Variants in ZBTB20 observed in about 807,000 individuals in gnomAD.
ZBTB20 encodes zinc finger and BTB domain containing 20.
ZBTB20 carries 9 observed loss-of-function variants against 56.9 expected under a neutral mutation model. The ratio of observed to expected loss-of-function variants is 0.16; its 90% CI spans 0.10 to 0.28. The LOEUF (loss-of-function observed/expected upper bound fraction) is 0.28, where lower values mean the gene tolerates loss of function less well. Among genes scored for constraint, ZBTB20 ranks in the 10% least tolerant of loss-of-function variants. The pLI is 1.00. For missense variants in ZBTB20, 655 were observed against 1,003.0 expected (o/e 0.65, Z 4.69); for synonymous variants, 417 against 420.7 (o/e 0.99, Z 0.11).
At chr3:114,558,350 C>A (rs1173771889) in intron 6 of ZBTB20, among the ~76,000 whole-genome samples, 3 of 151,966 alleles carry the variant, frequency 2.0e-5, no homozygotes, top group Admixed American at 6.6e-5. Context: ...CAACAATCCT[C>A]CCTCCCCGCT....
chr3:115,064,538 G>A lies in ZBTB20; in HGVS notation c.-507+6681C>T, dbSNP rs182601562. Among the ~76,000 whole-genome samples the A allele has an allele frequency of 9.9e-5, 13 of 130,916 alleles. No individual in the cohort carries two copies. The Admixed American group carries it at 1.0e-3, about 10-fold the overall frequency. 85.9% of individuals were successfully genotyped at this position (130,916 alleles called of 152,430 possible). On this transcript the variant is annotated intron_variant, in intron 2 of 11. Coordinates refer to ENST00000675478, the MANE Select transcript of ZBTB20 (RefSeq NM_001348800.3). Reference sequence around the variant, plus strand: ...AAAATCTTGGCTCACTGCAACCTCCGCCTCCCGGGTTCAAGTGATTCTCCT... The same window carrying A: ...AAAATCTTGGCTCACTGCAACCTCCACCTCCCGGGTTCAAGTGATTCTCCT...
intron 11 of ZBTB20, among the ~76,000 whole-genome samples, chr3:114,347,822 C>T (rs1159740544): frequency 6.6e-6 from 1 of 152,174 alleles, no homozygotes; most frequent in East Asian, 1.9e-4. Context: ...TTATTATTTT[C>T]AGATGGGGCT....
chr3:114,783,942 G>A (rs913626466), intron 5 of ZBTB20, among the ~76,000 whole-genome samples: 1 of 152,138 alleles, frequency 6.6e-6, no homozygotes, highest in Non-Finnish European at 1.5e-5. Flanking sequence ...AACCACATAG[G>A]AGTCACAGTG....
At chr3:114,360,967 ATAAG>A in intron 10 of ZBTB20, among the ~76,000 whole-genome samples, 1 of 152,324 alleles carries the variant, frequency 6.6e-6, no homozygotes. Flanking sequence ...GTTCTGGTAA[ATAAG>A]TAAAGTAGAA....
chr3:115,099,436 C>T (rs1297930116), intron 1 of ZBTB20, among the ~76,000 whole-genome samples: 1 of 152,146 alleles, frequency 6.6e-6, no homozygotes, highest in Admixed American at 6.5e-5. Flanking sequence ...AGTGATATTC[C>T]TATAAATGTA....
chr3:114,519,861 T>C (rs2046434845), intron 6 of ZBTB20: 1 of 152,130 alleles, frequency 6.6e-6, no homozygotes, highest in South Asian at 2.1e-4. Context: ...CATAAACTGT[T>C]CACTCAATGG....
chr3:114,450,544 TA>T (rs1559804561), intron 7 of ZBTB20, among the ~76,000 whole-genome samples: 1 of 152,174 alleles, frequency 6.6e-6, no homozygotes, highest in African/African-American at 2.4e-5. Context: ...TTAAGGTCTG[TA>T]AAAAATAATT....
At chr3:114,785,295 G>C (rs1328239794) in intron 5 of ZBTB20, among the ~76,000 whole-genome samples, 5 of 152,128 alleles carry the variant, frequency 3.3e-5, no homozygotes, top group African/African-American at 9.7e-5. Context: ...TAATTGGAGA[G>C]AAAACTTGCT....
At chr3:115,008,020 G>A (rs1244999233) in intron 2 of ZBTB20, among the ~76,000 whole-genome samples, 1 of 151,484 alleles carries the variant, frequency 6.6e-6, no homozygotes, top group Non-Finnish European at 1.5e-5. Flanking sequence ...ACAGTCTCTT[G>A]CTCTCACATC....
At chr3:114,880,969 C>T (rs761276446) in intron 4 of ZBTB20, among the ~76,000 whole-genome samples, 2 of 151,964 alleles carry the variant, frequency 1.3e-5, no homozygotes, top group Non-Finnish European at 2.9e-5. Flanking sequence ...AATAGTTTTA[C>T]ACTGATAGCG....
At chr3:114,687,608 G>GT (rs1205869467) in intron 6 of ZBTB20, 6 of 131,960 alleles carry the variant, frequency 4.5e-5, no homozygotes, top group African/African-American at 1.5e-4. Context: ...GAGTTGAAAG[G>GT]TAAAAAAAAA....
chr3:114,613,600 A>G (rs1346053680), intron 6 of ZBTB20, among the ~76,000 whole-genome samples: 1 of 152,198 alleles, frequency 6.6e-6, no homozygotes, highest in Non-Finnish European at 1.5e-5. Context: ...TATATCAGCT[A>G]CTTGAAACCA....
chr3:114,492,811 A>G (rs956920434), intron 7 of ZBTB20, among the ~76,000 whole-genome samples: 1 of 152,252 alleles, frequency 6.6e-6, no homozygotes, highest in African/African-American at 2.4e-5. Flanking sequence ...ATATAACTGT[A>G]GTACAATATC....
At chr3:114,581,821 T>C (rs1330250491) in intron 6 of ZBTB20, among the ~76,000 whole-genome samples, 1 of 152,178 alleles carries the variant, frequency 6.6e-6, no homozygotes, top group Non-Finnish European at 1.5e-5. Flanking sequence ...ACTGAGAATA[T>C]AAATTGGTAC....
At chr3:114,753,417 A>ATATATATACACACACG (rs2067750950) in intron 5 of ZBTB20, among the ~76,000 whole-genome samples, 1 of 137,412 alleles carries the variant, frequency 7.3e-6, no homozygotes, top group African/African-American at 2.8e-5. Context: ...ACACACGTAT[A>ATATATATACACACACG]TATATATATA....
At chr3:114,647,098 A>T (rs923435967) in intron 6 of ZBTB20, among the ~76,000 whole-genome samples, 2 of 152,060 alleles carry the variant, frequency 1.3e-5, no homozygotes, top group Non-Finnish European at 2.9e-5. Flanking sequence ...AGCTGGGACC[A>T]CAGGCACCTG....
chr3:115,107,466 A>G (rs1045593762), intron 1 of ZBTB20, among the ~76,000 whole-genome samples: 9 of 152,220 alleles, frequency 5.9e-5, no homozygotes, highest in Middle Eastern at 3.4e-3. Context: ...ATCTCACACC[A>G]GTCAGAATGG....
At chr3:114,360,674 T>C in intron 10 of ZBTB20, among the ~76,000 whole-genome samples, 1 of 152,108 alleles carries the variant, frequency 6.6e-6, no homozygotes, top group Non-Finnish European at 1.5e-5. Context: ...ACTTGAGCCA[T>C]GATAGATAAG....
chr3:114,953,818 C>T (rs1393446552), intron 3 of ZBTB20, among the ~76,000 whole-genome samples: 3 of 151,914 alleles, frequency 2.0e-5, no homozygotes, highest in Non-Finnish European at 4.4e-5. Context: ...TTAGTAAAAA[C>T]AGAACTGAAA....
Sources: allele counts gnomAD v4.1 joint callset (sites outside exome capture counted in the v4.1 genomes callset), GRCh38; gene constraint gnomAD v4.1.1; transcripts MANE v1.5; gene names NCBI Gene and HGNC (gene_info 2026-07-23, HGNC 2026-07-21).